Variants in EYS observed in about 807,000 individuals in gnomAD.
EYS encodes the protein protein eyes shut homolog.
A neutral mutation model predicts 282.1 loss-of-function variants in EYS; 250 were observed. The ratio of observed to expected loss-of-function variants is 0.89; its 90% CI spans 0.80 to 0.98. EYS has a LOEUF of 0.98. EYS is among the 50% of genes least tolerant of loss of function. EYS has a pLI of 0.00. For missense variants in EYS, 4,016 were observed against 3,709.0 expected (o/e 1.08, Z -2.15); for synonymous variants, 1,355 against 1,282.9 (o/e 1.06, Z -1.20).
intron 12 of EYS, among the ~76,000 whole-genome samples, chr6:65,236,152 A>G (rs961911716): frequency 6.6e-6 from 1 of 152,114 alleles, no homozygotes; most frequent in Non-Finnish European, 1.5e-5. Flanking sequence ...ATTACTCTTT[A>G]AAGGGAAAAA....
intron 37 of EYS, among the ~76,000 whole-genome samples, chr6:63,801,275 AG>A (rs541805002): frequency 6.6e-6 from 1 of 152,176 alleles, no homozygotes; most frequent in African/African-American, 2.4e-5. Context: ...AGAAAGAAGG[AG>A]AAAAAAACAA....
At chr6:65,119,906 G>C (rs183340212) in intron 12 of EYS, among the ~76,000 whole-genome samples, 102 of 151,156 alleles carry the variant, frequency 6.7e-4, no homozygotes, top group African/African-American at 2.2e-3. Flanking sequence ...GGGAGGCCGA[G>C]GTGGGCGGAT....
At chr6:65,343,641 T>C (rs1450916260) in intron 10 of EYS, among the ~76,000 whole-genome samples, 4 of 151,174 alleles carry the variant, frequency 2.6e-5, no homozygotes, top group Non-Finnish European at 5.9e-5. Context: ...TTAAGTAGCT[T>C]GCTCGTGTAA....
chr6:64,086,205 G>A (rs1043436464), intron 31 of EYS, among the ~76,000 whole-genome samples: 2 of 151,954 alleles, frequency 1.3e-5, no homozygotes, highest in Non-Finnish European at 2.9e-5. Context: ...TTATCTACTC[G>A]TCTCTTCCCA....
chr6:65,201,142 A>G (rs1035448109), intron 12 of EYS, among the ~76,000 whole-genome samples: 4 of 152,154 alleles, frequency 2.6e-5, no homozygotes, highest in Non-Finnish European at 5.9e-5. Flanking sequence ...GAAAGTTCTC[A>G]GTTTACTATA....
chr6:65,706,251 A>G (rs892475645), intron 1 of EYS, among the ~76,000 whole-genome samples: 5 of 151,860 alleles, frequency 3.3e-5, no homozygotes, highest in African/African-American at 1.2e-4. Context: ...TTATGCAATT[A>G]ACTTTGAAAA....
chr6:64,187,765 A>G (rs1417353702), intron 31 of EYS, among the ~76,000 whole-genome samples: 1 of 152,112 alleles, frequency 6.6e-6, no homozygotes, highest in Admixed American at 6.6e-5. Flanking sequence ...TAACTCTTTT[A>G]GCTTCTTTAG....
chr6:64,395,453 T>C (rs1773328516), intron 28 of EYS, among the ~76,000 whole-genome samples: 1 of 152,130 alleles, frequency 6.6e-6, no homozygotes, highest in East Asian at 1.9e-4. Context: ...TATGCAGCCA[T>C]CAAAAATGAT....
chr6:65,375,411 TA>T (rs1329769525), intron 8 of EYS, among the ~76,000 whole-genome samples: 3 of 152,008 alleles, frequency 2.0e-5, no homozygotes, highest in Admixed American at 2.0e-4. Flanking sequence ...CAAAGGTAGA[TA>T]AATCCATGGA....
intron 12 of EYS, among the ~76,000 whole-genome samples, chr6:65,153,701 A>C (rs564662616): frequency 6.6e-6 from 1 of 151,820 alleles, no homozygotes; most frequent in Admixed American, 6.6e-5. Context: ...ATCATCAGTG[A>C]TATTTTGGTA....
At chr6:64,617,574 G>A in intron 23 of EYS, 41 bp from the exon 24 acceptor site, 2 of 1,142,160 alleles carry the variant, frequency 1.8e-6, no homozygotes, top group Non-Finnish European at 2.6e-6. Context: ...AATTTTTAAT[G>A]ATAATAAAAA....
intron 14 of EYS, among the ~76,000 whole-genome samples, chr6:64,982,524 C>T (rs1020792003): frequency 6.6e-6 from 1 of 150,992 alleles, no homozygotes; most frequent in African/African-American, 2.4e-5. Flanking sequence ...ATGAACAAAA[C>T]CTTGTATTGA....
chr6:64,078,809 T>C lies in EYS; in HGVS notation c.6571+3047A>G, dbSNP rs115406463. ...GGCACTATCATCAGCTTGACTTTTATTGGATTTAGATTAAAGTACGAACTT... is the reference window on the plus strand; with the variant it reads ...GGCACTATCATCAGCTTGACTTTTACTGGATTTAGATTAAAGTACGAACTT... On this transcript the variant is annotated intron_variant, in intron 32 of 42. Transcript: ENST00000503581. Among the ~76,000 whole-genome samples, 1,474 of 152,128 alleles carry C rather than the reference T, an allele frequency of 9.7e-3. 26 individuals carry two copies. Among genetic ancestry groups the C allele is most frequent in the African/African-American group, 0.033 (1,374 of 41,524 alleles).
intron 2 of EYS, among the ~76,000 whole-genome samples, chr6:65,613,720 T>G (rs997772448): frequency 1.3e-5 from 2 of 151,884 alleles, no homozygotes. Context: ...ATCCAGGCAA[T>G]TCGTTTAACT....
chr6:65,402,591 G>T lies in EYS; in HGVS notation c.1071C>A (p.Ile357=). The change falls in exon 7 of 43, where the codon ATC becomes ATA. Residue 357 remains isoleucine (I), a synonymous_variant. Coordinates refer to ENST00000503581, the MANE Select transcript of EYS (RefSeq NM_001142800.2). ...CIKISNDVMC[I]CSPIFTDLLC... ...GCAAATCTGTAAATATTGGTGAACA[G>T]ATGCACATAACATCCTAGGAAAGAT... 6.3e-7 allele frequency: 1 copy of T among 1,575,916 alleles called. No homozygotes were observed. Among genetic ancestry groups the T allele is most frequent in the Non-Finnish European group, 8.7e-7 (1 of 1,146,490 alleles).
chr6:65,518,409 G>T (rs1767223176), intron 2 of EYS, among the ~76,000 whole-genome samples: 1 of 151,956 alleles, frequency 6.6e-6, no homozygotes, highest in South Asian at 2.1e-4. Context: ...ACAACAAGTT[G>T]GCAAACACAA....
chr6:64,173,454 A>C (rs1379036237), intron 31 of EYS, among the ~76,000 whole-genome samples: 2 of 152,052 alleles, frequency 1.3e-5, no homozygotes, highest in African/African-American at 4.8e-5. Context: ...TTAGGAGTTT[A>C]TTGTCCTTTC....
intron 28 of EYS, among the ~76,000 whole-genome samples, chr6:64,391,268 C>T (rs1344497245): frequency 1.3e-5 from 2 of 151,528 alleles, no homozygotes; most frequent in African/African-American, 2.4e-5. Context: ...TCAGGAAATA[C>T]AGAGAACGCC....
At chr6:64,532,741 T>C (rs775838731) in intron 26 of EYS, among the ~76,000 whole-genome samples, 146 of 152,078 alleles carry the variant, frequency 9.6e-4, no homozygotes, top group Non-Finnish European at 1.3e-3. Flanking sequence ...TTAAATTAAA[T>C]ATTCTGAGGA....
Sources: gnomAD v4.1 joint callset for allele counts (sites outside exome capture counted in the v4.1 genomes callset) on GRCh38, gnomAD v4.1.1 for gene constraint, MANE v1.5 for transcripts, NCBI Gene and HGNC (gene_info 2026-07-23, HGNC 2026-07-21) for gene names.